Variants in RBM19 observed in about 807,000 individuals in gnomAD.
RBM19 encodes RNA binding motif protein 19.
A neutral mutation model predicts 116.8 loss-of-function variants in RBM19; 94 were observed. That is an observed-to-expected ratio of 0.80 (90% CI 0.68 to 0.95). The LOEUF (loss-of-function observed/expected upper bound fraction) is 0.95, where lower values mean the gene tolerates loss of function less well. Ranked by LOEUF, RBM19 falls within the 40% of genes least tolerant of loss-of-function variation. RBM19 has a pLI of 0.00. For synonymous variants in RBM19, 475 were observed against 494.1 expected (o/e 0.96, Z 0.51); for missense variants, 1,161 against 1,220.7 (o/e 0.95, Z 0.73).
Position 113,854,664 on chromosome 12 carries a change from T to C in RBM19, c.2664+4127A>G, listed in dbSNP as rs1877738472. On this transcript the variant is annotated intron_variant, in intron 22 of 23. Coordinates refer to ENST00000261741, the MANE Select transcript of RBM19 (RefSeq NM_016196.4). ...GCCAGCTCATCGATCCTGCTTCCTC[T>C]GAGCAGGCCTCTGGTCACCAGGGCC... is the stretch of plus-strand genomic sequence containing the variant. Among the ~76,000 whole-genome samples, 3 of 152,188 alleles carry C rather than the reference T, an allele frequency of 2.0e-5. No homozygotes were observed. In the South Asian group the frequency reaches 6.2e-4, roughly 31 times the overall value.
At chr12:113,930,099 T>C (rs1203468146) in intron 16 of RBM19, among the ~76,000 whole-genome samples, 1 of 152,236 alleles carries the variant, frequency 6.6e-6, no homozygotes, top group Non-Finnish European at 1.5e-5. Context: ...TCTTGGCAAC[T>C]TAATGGCAAG....
chr12:113,834,401 T>G (rs1360971079), intron 23 of RBM19, among the ~76,000 whole-genome samples: 1 of 152,118 alleles, frequency 6.6e-6, no homozygotes, highest in Non-Finnish European at 1.5e-5. Flanking sequence ...GGAGTCACCA[T>G]GGGAGGAACT....
At chr12:113,954,449 TCA>T in intron 7 of RBM19, among the ~76,000 whole-genome samples, 1 of 152,348 alleles carries the variant, frequency 6.6e-6, no homozygotes, top group South Asian at 2.1e-4. Context: ...GGATGAGTTG[TCA>T]CTGTATTTGG....
chr12:113,910,389 T>G (rs1882354293), intron 21 of RBM19, among the ~76,000 whole-genome samples: 1 of 152,216 alleles, frequency 6.6e-6, no homozygotes, highest in Non-Finnish European at 1.5e-5. Flanking sequence ...GGCTATATAG[T>G]TGGCAGGGCC....
intron 22 of RBM19, among the ~76,000 whole-genome samples, chr12:113,857,705 G>A (rs1446310257): frequency 6.6e-6 from 1 of 152,236 alleles, no homozygotes; most frequent in East Asian, 1.9e-4. Flanking sequence ...GGTGGCTGGC[G>A]AGGCTCTCCG....
chr12:113,869,724 A>G (rs999986789), intron 21 of RBM19, among the ~76,000 whole-genome samples: 2 of 152,210 alleles, frequency 1.3e-5, no homozygotes, highest in Non-Finnish European at 2.9e-5. Context: ...AAGAGGAAAA[A>G]AAAAACCCAG....
intron 23 of RBM19, among the ~76,000 whole-genome samples, chr12:113,830,154 T>G (rs571086365): frequency 5.3e-5 from 8 of 152,252 alleles, no homozygotes; most frequent in Admixed American, 3.3e-4. Flanking sequence ...AGGGGGACAC[T>G]AGCCCAGCCT....
intron 21 of RBM19, among the ~76,000 whole-genome samples, chr12:113,880,544 G>T (rs1417055282): frequency 6.6e-6 from 1 of 152,230 alleles, no homozygotes; most frequent in African/African-American, 2.4e-5. Context: ...AGGGGAAGCA[G>T]AGTGATGTCA....
chr12:113,914,742 G>A (rs946456279), intron 21 of RBM19, among the ~76,000 whole-genome samples: 6 of 152,226 alleles, frequency 3.9e-5, no homozygotes, highest in African/African-American at 1.2e-4. Flanking sequence ...CATCTGCCTC[G>A]GAGAGGGGGA....
intron 22 of RBM19, among the ~76,000 whole-genome samples, chr12:113,854,140 A>G (rs1877692106): frequency 6.7e-6 from 1 of 148,734 alleles, no homozygotes; most frequent in Non-Finnish European, 1.5e-5. Context: ...TCAGCAAGCA[A>G]CTTTGTCCCT....
In RBM19 at chr12:113,958,009, G is replaced by T; in HGVS notation, c.613C>A (p.Leu205Met). The T allele has an allele frequency of 6.2e-7, 1 of 1,614,064 alleles. No individual in the cohort carries two copies. The highest frequency in any genetic ancestry group is 1.3e-5 in the African/African-American group (1 of 75,030). ...GATTTCAGGTAATCCATGTCCGACA[G>T]CTCCTTCTGCACAGCTGCCTTTGGT... ...LEPKAAVQKE[L>M]SDMDYLKSKM... Residue 205 changes from leucine (L) to methionine (M), a missense_variant, in exon 6 of 24, where the codon CTG becomes ATG. Physicochemically the swap from Leu to Met is conservative, Grantham distance 15 (BLOSUM62 2). Transcript: ENST00000261741.
chr12:113,921,337 AT>A (rs1381333663), intron 18 of RBM19, among the ~76,000 whole-genome samples: 1 of 152,176 alleles, frequency 6.6e-6, no homozygotes, highest in East Asian at 1.9e-4. Flanking sequence ...ACTAAAAAAC[AT>A]TAAGATCCCT....
chr12:113,929,971 C>T (rs754296749), intron 16 of RBM19, among the ~76,000 whole-genome samples: 1 of 152,254 alleles, frequency 6.6e-6, no homozygotes, highest in African/African-American at 2.4e-5. Flanking sequence ...GTTTAAAGGA[C>T]AGCCCCTTCT....
intron 19 of RBM19, among the ~76,000 whole-genome samples, chr12:113,920,310 C>T (rs1868414933): frequency 6.6e-6 from 1 of 152,208 alleles, no homozygotes; most frequent in Non-Finnish European, 1.5e-5. Context: ...GGCCTGTCTA[C>T]CCCACCAGAA....
intron 21 of RBM19, among the ~76,000 whole-genome samples, chr12:113,870,785 A>G (rs1204300981): frequency 6.6e-6 from 1 of 152,154 alleles, no homozygotes; most frequent in Non-Finnish European, 1.5e-5. Context: ...ATAGCCACCA[A>G]CACCGGCTTC....
At chr12:113,858,114 G>A (rs1053479947) in intron 22 of RBM19, among the ~76,000 whole-genome samples, 5 of 152,270 alleles carry the variant, frequency 3.3e-5, no homozygotes, top group African/African-American at 1.2e-4. Flanking sequence ...GGTACAGCCA[G>A]GCTCTTGTTC....
intron 23 of RBM19, among the ~76,000 whole-genome samples, chr12:113,824,962 C>A (rs1565957014): frequency 6.6e-6 from 1 of 152,100 alleles, no homozygotes; most frequent in Non-Finnish European, 1.5e-5. Flanking sequence ...GCCCACCTCC[C>A]CCTGCTCAAG....
chr12:113,945,052 G>A (rs1870904815), intron 13 of RBM19, among the ~76,000 whole-genome samples: 1 of 152,104 alleles, frequency 6.6e-6, no homozygotes, highest in Non-Finnish European at 1.5e-5. Context: ...ACAACATGAA[G>A]ACTAGAGTTA....
intron 18 of RBM19, among the ~76,000 whole-genome samples, chr12:113,923,812 G>A (rs779965716): frequency 6.6e-6 from 1 of 152,186 alleles, no homozygotes; most frequent in African/African-American, 2.4e-5. Context: ...CCAGCACATT[G>A]GTCTCTCTAG....
Sources: gnomAD v4.1 joint callset for allele counts (sites outside exome capture counted in the v4.1 genomes callset) on GRCh38, gnomAD v4.1.1 for gene constraint, MANE v1.5 for transcripts, NCBI Gene and HGNC (gene_info 2026-07-23, HGNC 2026-07-21) for gene names.